The following MALRD1 variants were observed in gnomAD, a reference collection of about 807,000 sequenced individuals.
MALRD1 encodes MAM and LDL receptor class A domain containing 1.
Under a neutral mutation model 242.1 loss-of-function variants are expected in MALRD1, and 247 were observed. The ratio of observed to expected loss-of-function variants is 1.02; its 90% CI spans 0.92 to 1.13. The LOEUF is 1.13. MALRD1 is among the 50% of genes most tolerant of loss of function. MALRD1 has a pLI of 0.00. For missense variants in MALRD1, 2,989 were observed against 2,533.1 expected, an observed-to-expected ratio of 1.18 and a Z score of -3.86; for synonymous variants, 995 against 866.6, an observed-to-expected ratio of 1.15 and a Z score of -2.60.
At chr10:19,101,683 G>A (rs1836263492) in intron 4 of MALRD1, among the ~76,000 whole-genome samples, 1 of 130,960 alleles carries the variant, frequency 7.6e-6, no homozygotes, top group Non-Finnish European at 1.6e-5. Context: ...ATAAGATATA[G>A]GTATATTATA....
intron 20 of MALRD1, 102 bp from the exon 21 acceptor site, chr10:19,282,917 A>T: frequency 1.3e-6 from 1 of 796,406 alleles, no homozygotes; most frequent in Non-Finnish European, 1.8e-6. Flanking sequence ...TTTAAAAGTT[A>T]CATTAGAATT....
chr10:19,721,205 A>G (rs1834731925), intron 38 of MALRD1, among the ~76,000 whole-genome samples: 1 of 152,136 alleles, frequency 6.6e-6, no homozygotes, highest in African/African-American at 2.4e-5. Flanking sequence ...AGAATATCTT[A>G]TTTTTATTGG....
intron 36 of MALRD1, among the ~76,000 whole-genome samples, chr10:19,678,448 A>G (rs542796539): frequency 2.1e-3 from 315 of 152,206 alleles, no homozygotes; most frequent in African/African-American, 7.1e-3. Context: ...ATGGGAGTCC[A>G]TTCATGATTT....
At position 19,627,759 on chromosome 10, in the gene MALRD1, T is replaced by TAAAAAAAA. The variant is rs553942713; in HGVS notation, c.6137+11848_6137+11855dup. The stretch of plus-strand genomic sequence containing the variant: ...GCCTGGGCGACAGAGCAAGACTGTC[T>TAAAAAAAA]AAAAAAAAAAAAAAAAAAAGGAAAA... On this transcript the variant is annotated intron_variant, in intron 36 of 39. Coordinates refer to ENST00000454679, the MANE Select transcript of MALRD1 (RefSeq NM_001142308.3). 1.6e-3 allele frequency among the ~76,000 whole-genome samples: 90 copies of TAAAAAAAA among 56,182 alleles called. 1 individual carries two copies. Among genetic ancestry groups the TAAAAAAAA allele is most frequent in the African/African-American group, 5.1e-3 (73 of 14,384 alleles). 36.9% of individuals were successfully genotyped at this position (56,182 alleles called of 152,430 possible).
intron 24 of MALRD1, among the ~76,000 whole-genome samples, chr10:19,341,351 A>C (rs1843841726): frequency 6.6e-6 from 1 of 151,466 alleles, no homozygotes; most frequent in Admixed American, 6.6e-5. Flanking sequence ...CAATACATAC[A>C]CATGTCCTGT....
At chr10:19,321,924 T>C (rs1842928818) in intron 21 of MALRD1, among the ~76,000 whole-genome samples, 1 of 152,078 alleles carries the variant, frequency 6.6e-6, no homozygotes, top group African/African-American at 2.4e-5. Context: ...GAATCAACGG[T>C]AGATGTGAAA....
intron 36 of MALRD1, among the ~76,000 whole-genome samples, chr10:19,665,806 A>G (rs1415546623): frequency 6.6e-6 from 1 of 151,932 alleles, no homozygotes; most frequent in East Asian, 1.9e-4. Context: ...CATTTTCCCA[A>G]ACTCTTTCTT....
chr10:19,652,965 T>C (rs1052087299), intron 36 of MALRD1, among the ~76,000 whole-genome samples: 2 of 152,170 alleles, frequency 1.3e-5, no homozygotes, highest in Non-Finnish European at 2.9e-5. Context: ...CCAGGAGGAA[T>C]CACCATGGGC....
At chr10:19,603,976 A>T (rs1358812275) in intron 34 of MALRD1, among the ~76,000 whole-genome samples, 2 of 152,170 alleles carry the variant, frequency 1.3e-5, no homozygotes, top group Non-Finnish European at 2.9e-5. Flanking sequence ...AGGCTGAACA[A>T]TATTGCAGTT....
At chr10:19,229,335 T>G (rs973487942) in intron 18 of MALRD1, among the ~76,000 whole-genome samples, 2 of 152,080 alleles carry the variant, frequency 1.3e-5, no homozygotes, top group African/African-American at 4.8e-5. Context: ...CCAAAAGAAA[T>G]TATCACTGAT....
At chr10:19,270,371 CA>C (rs1840171633) in intron 19 of MALRD1, among the ~76,000 whole-genome samples, 1 of 146,622 alleles carries the variant, frequency 6.8e-6, no homozygotes, top group African/African-American at 2.6e-5. Context: ...CACACACACA[CA>C]CACACCAGAC....
intron 36 of MALRD1, among the ~76,000 whole-genome samples, chr10:19,689,844 G>A (rs1842747674): frequency 6.6e-6 from 1 of 151,998 alleles, no homozygotes; most frequent in Admixed American, 6.6e-5. Context: ...GGAGATTGCA[G>A]TTTTTTCTTC....
chr10:19,689,292 G>A (rs1170419468), intron 36 of MALRD1, among the ~76,000 whole-genome samples: 2 of 152,106 alleles, frequency 1.3e-5, no homozygotes, highest in African/African-American at 4.8e-5. Flanking sequence ...AAAGTAGTAG[G>A]AGGAGACATA....
At chr10:19,639,150 A>G (rs917289440) in intron 36 of MALRD1, among the ~76,000 whole-genome samples, 2 of 152,200 alleles carry the variant, frequency 1.3e-5, no homozygotes, top group Non-Finnish European at 2.9e-5. Context: ...TCTCCTTCAA[A>G]AAGTGATTGT....
intron 29 of MALRD1, among the ~76,000 whole-genome samples, chr10:19,482,754 G>T (rs1837057416): frequency 6.8e-6 from 1 of 147,680 alleles, no homozygotes; most frequent in South Asian, 2.2e-4. Context: ...ATATCTGCAA[G>T]AAGAACTATA....
intron 39 of MALRD1, among the ~76,000 whole-genome samples, chr10:19,731,777 T>C (rs1391603636): frequency 6.6e-6 from 1 of 152,204 alleles, no homozygotes; most frequent in African/African-American, 2.4e-5. Flanking sequence ...CATCTGAGTT[T>C]AGAGCTATAT....
chr10:19,660,303 A>T (rs1326978), intron 36 of MALRD1, among the ~76,000 whole-genome samples: 4,375 of 152,274 alleles, frequency 0.029, 201 homozygotes, highest in African/African-American at 0.089. Context: ...ATTCTGGGTT[A>T]TACAGCCACA....
At chr10:19,398,846 G>A (rs908188003) in intron 28 of MALRD1, among the ~76,000 whole-genome samples, 6 of 152,186 alleles carry the variant, frequency 3.9e-5, no homozygotes, top group South Asian at 4.1e-4. Context: ...ACTGAAGATA[G>A]CATTCTATCT....
At chr10:19,159,622 G>A (rs921550734) in intron 12 of MALRD1, among the ~76,000 whole-genome samples, 1 of 151,690 alleles carries the variant, frequency 6.6e-6, no homozygotes, top group Non-Finnish European at 1.5e-5. Flanking sequence ...GGTTTCAACA[G>A]GAGATGATCA....
Sources: allele counts gnomAD v4.1 joint callset (sites outside exome capture counted in the v4.1 genomes callset), GRCh38; gene constraint gnomAD v4.1.1; transcripts MANE v1.5; gene names NCBI Gene and HGNC (gene_info 2026-07-23, HGNC 2026-07-21).